LRRC4C: variants seen among roughly 807,000 people sequenced by gnomAD.
LRRC4C encodes leucine rich repeat containing 4C, also known as leucine-rich repeat-containing protein 4C.
A neutral mutation model predicts 33.6 loss-of-function variants in LRRC4C; 5 were observed. That is an observed-to-expected ratio of 0.15 (90% confidence interval 0.08 to 0.31). The LOEUF (loss-of-function observed/expected upper bound fraction) is 0.31, where lower values mean the gene tolerates loss of function less well. Ranked by LOEUF, LRRC4C falls within the 10% of genes least tolerant of loss-of-function variation. The pLI is 1.00. For missense variants in LRRC4C, 560 were observed against 796.7 expected, an observed-to-expected ratio of 0.70 and a Z score of 3.58; for synonymous variants, 329 against 302.0, an observed-to-expected ratio of 1.09 and a Z score of -0.93.
intron 1 of LRRC4C, among the ~76,000 whole-genome samples, chr11:41,164,723 A>G (rs1422976943): frequency 6.6e-6 from 1 of 152,158 alleles, no homozygotes; most frequent in Non-Finnish European, 1.5e-5. Context: ...AAGCTGAGGC[A>G]GGGCTTGCAT....
At chr11:40,639,635 G>T (rs1941989249) in intron 3 of LRRC4C, among the ~76,000 whole-genome samples, 1 of 152,202 alleles carries the variant, frequency 6.6e-6, no homozygotes. Flanking sequence ...TTGAATAGAA[G>T]TTTGTCTCAA....
chr11:40,349,873 T>C (rs750422332), intron 3 of LRRC4C, among the ~76,000 whole-genome samples: 9 of 152,158 alleles, frequency 5.9e-5, no homozygotes, highest in Non-Finnish European at 1.0e-4. Context: ...TATGCGATTC[T>C]GACACAATCT....
intron 3 of LRRC4C, among the ~76,000 whole-genome samples, chr11:40,534,199 G>A (rs1379447853): frequency 6.6e-6 from 1 of 152,006 alleles, no homozygotes; most frequent in Non-Finnish European, 1.5e-5. Flanking sequence ...CTTAGCACAT[G>A]ACCTGTCATA....
chr11:41,213,299 T>C (rs1946900136), intron 1 of LRRC4C, among the ~76,000 whole-genome samples: 1 of 152,156 alleles, frequency 6.6e-6, no homozygotes, highest in Non-Finnish European at 1.5e-5. Context: ...ATATAACAAG[T>C]CCTATGATCA....
At chr11:40,337,165 C>T (rs891449150) in intron 3 of LRRC4C, among the ~76,000 whole-genome samples, 1 of 151,912 alleles carries the variant, frequency 6.6e-6, no homozygotes, top group Non-Finnish European at 1.5e-5. Context: ...AAAACCCTGA[C>T]GTAGCAAAGT....
intron 3 of LRRC4C, among the ~76,000 whole-genome samples, chr11:40,500,120 A>C (rs1336959654): frequency 6.6e-6 from 1 of 151,990 alleles, no homozygotes; most frequent in East Asian, 1.9e-4. Context: ...GAATCAAAGA[A>C]AACTGATGTG....
At chr11:40,363,508 A>C (rs10837389) in intron 3 of LRRC4C, among the ~76,000 whole-genome samples, 117,056 of 151,886 alleles carry the variant, frequency 0.77, 45,941 homozygotes, top group East Asian at 0.99. Flanking sequence ...AGCAAATCCC[A>C]ATGACTCACG....
Position 40,902,005 on chromosome 11 carries a change from C to T in LRRC4C, c.-407+31630G>A, listed in dbSNP as rs1305139300. 5.4e-5 allele frequency among the ~76,000 whole-genome samples: 4 copies of T among 74,612 alleles called. No individual in the cohort carries two copies. In the African/African-American group the frequency reaches 6.0e-4, roughly 11 times the overall value. 48.9% of individuals were successfully genotyped at this position (74,612 alleles called of 152,430 possible). On this transcript the variant is annotated intron_variant, in intron 2 of 6. Coordinates refer to ENST00000528697, the MANE Select transcript of LRRC4C (RefSeq NM_001258419.2). ...ATCTCTCTCTCTCTCTCTCTACACA[C>T]ACACACACACACACACACACACACA...
At chr11:40,138,030 A>G (rs1236112062) in intron 6 of LRRC4C, among the ~76,000 whole-genome samples, 1 of 152,192 alleles carries the variant, frequency 6.6e-6, no homozygotes, top group Non-Finnish European at 1.5e-5. Context: ...CATGAAGAAC[A>G]TTAGGATCCA....
chr11:40,312,118 C>T (rs1268085032), intron 4 of LRRC4C, among the ~76,000 whole-genome samples: 1 of 152,094 alleles, frequency 6.6e-6, no homozygotes, highest in African/African-American at 2.4e-5. Flanking sequence ...AGTTCTAACT[C>T]ACCAACTCCC....
intron 3 of LRRC4C, among the ~76,000 whole-genome samples, chr11:40,549,909 G>C (rs1023501323): frequency 1.3e-5 from 2 of 152,042 alleles, no homozygotes; most frequent in Admixed American, 1.3e-4. Flanking sequence ...AATCATATCA[G>C]AGCATAAACT....
At chr11:40,439,327 G>A (rs1005411497) in intron 3 of LRRC4C, among the ~76,000 whole-genome samples, 6 of 151,964 alleles carry the variant, frequency 3.9e-5, no homozygotes, top group Non-Finnish European at 5.9e-5. Context: ...GAATGTATGT[G>A]CTGTGGGATT....
intron 1 of LRRC4C, among the ~76,000 whole-genome samples, chr11:40,934,837 T>G (rs1438054753): frequency 1.3e-5 from 2 of 152,170 alleles, no homozygotes; most frequent in African/African-American, 4.8e-5. Context: ...TTCTACACAT[T>G]TAGAGTGCTA....
At chr11:40,680,350 T>TG (rs1275598151) in intron 2 of LRRC4C, among the ~76,000 whole-genome samples, 1 of 152,168 alleles carries the variant, frequency 6.6e-6, no homozygotes, top group Admixed American at 6.6e-5. Context: ...AAGTTGAGAC[T>TG]GGGGGACTGT....
intron 3 of LRRC4C, among the ~76,000 whole-genome samples, chr11:40,557,412 T>C (rs1011968556): frequency 3.9e-5 from 6 of 152,152 alleles, no homozygotes; most frequent in African/African-American, 7.2e-5. Context: ...TTGCATAATA[T>C]GTATTAAGCA....
chr11:40,482,106 T>A (rs897406294), intron 3 of LRRC4C, among the ~76,000 whole-genome samples: 2 of 152,208 alleles, frequency 1.3e-5, no homozygotes, highest in African/African-American at 4.8e-5. Flanking sequence ...TTTCACTTGT[T>A]AGTTTGGTAA....
intron 1 of LRRC4C, among the ~76,000 whole-genome samples, chr11:40,970,592 T>A (rs376980518): frequency 6.6e-6 from 1 of 152,164 alleles, no homozygotes; most frequent in African/African-American, 2.4e-5. Context: ...GACATTGCTA[T>A]AAAGATATCT....
At chr11:40,407,709 G>T (rs771728161) in intron 3 of LRRC4C, among the ~76,000 whole-genome samples, 15 of 151,996 alleles carry the variant, frequency 9.9e-5, no homozygotes, top group Admixed American at 5.3e-4. Context: ...ACATACTTTT[G>T]TATTTAACCT....
intron 1 of LRRC4C, among the ~76,000 whole-genome samples, chr11:41,109,554 A>T (rs1565392187): frequency 6.6e-6 from 1 of 152,098 alleles, no homozygotes. Flanking sequence ...ACAACCTTTT[A>T]ATTTTGGAAA....
Sources: allele counts gnomAD v4.1 joint callset (sites outside exome capture counted in the v4.1 genomes callset), GRCh38; gene constraint gnomAD v4.1.1; transcripts MANE v1.5; gene names NCBI Gene and HGNC (gene_info 2026-07-23, HGNC 2026-07-21).